SLC24A1: variants seen among roughly 807,000 people sequenced by gnomAD.
The protein encoded by SLC24A1 is solute carrier family 24 member 1.
SLC24A1 carries 52 observed loss-of-function variants against 88.1 expected under a neutral mutation model. That is an observed-to-expected ratio of 0.59 (90% CI 0.47 to 0.74). The LOEUF is 0.74. Ranked by LOEUF, SLC24A1 falls within the 30% of genes least tolerant of loss-of-function variation. SLC24A1 has a pLI of 0.00. For synonymous variants in SLC24A1, 455 were observed against 498.0 expected (o/e 0.91, Z 1.15); for missense variants, 1,173 against 1,363.3 (o/e 0.86, Z 2.20).
In SLC24A1 at chr15:65,624,000, G is replaced by A; in HGVS notation, c.-81G>A. The A allele has an allele frequency of 7.5e-7, 1 of 1,331,612 alleles. No individual in the cohort carries two copies. Among genetic ancestry groups the A allele is most frequent in the Non-Finnish European group, 1.0e-6 (1 of 970,066 alleles). 82.5% of individuals were successfully genotyped at this position (1,331,612 alleles called of 1,614,324 possible). ...TGGGCTTCATGGAGAAATCTTCTCTGATCACCAACCTGAATCCCAGAGTAG... is the reference window on the plus strand; with the variant it reads ...TGGGCTTCATGGAGAAATCTTCTCTAATCACCAACCTGAATCCCAGAGTAG... On this transcript the variant is annotated 5_prime_UTR_variant, in exon 2 of 10. It removes the in-frame stop codon of an upstream open reading frame in the 5' UTR. Coordinates refer to ENST00000261892, the MANE Select transcript of SLC24A1 (RefSeq NM_004727.3).
intron 2 of SLC24A1, among the ~76,000 whole-genome samples, chr15:65,626,240 A>C (rs1219626687): frequency 6.6e-6 from 1 of 152,192 alleles, no homozygotes; most frequent in African/African-American, 2.4e-5. Context: ...AAGCCCAAAG[A>C]AGTTAAACCA....
chr15:65,643,817 C>T (rs1473317944), intron 4 of SLC24A1: 1 of 154,054 alleles, frequency 6.5e-6, no homozygotes, highest in Middle Eastern at 3.4e-3. Context: ...AGGGTGTATC[C>T]GAGAGCTTGT....
chr15:65,654,797 C>A lies in SLC24A1; in HGVS notation c.*718C>A, dbSNP rs12148277. ...CTCGGCACACCACAACCTTCACCTC[C>A]CCGGTTCAAGCAATTCTCCTGCCTC... On this transcript the variant is annotated 3_prime_UTR_variant, in exon 10 of 10. Transcript: ENST00000261892. 0.049 allele frequency: 51,515 copies of A among 1,042,766 alleles called. 1,544 individuals carry two copies. Among genetic ancestry groups the A allele is most frequent in the Non-Finnish European group, 0.057 (44,684 of 779,324 alleles). The allele number at this position is 1,042,766 out of a possible 1,614,324, so 64.6% of individuals were successfully genotyped here. A position where few individuals can be genotyped will look rare whatever the true frequency, so the allele number is the denominator to read the frequency against.
At chr15:65,651,873 T>C in intron 8 of SLC24A1, 114 bp downstream of exon 8, 1 of 705,454 alleles carries the variant, frequency 1.4e-6, no homozygotes, top group East Asian at 2.8e-5. Context: ...TCGTGCAGTT[T>C]CTATGTTGTT....
chr15:65,624,750 G>A lies in SLC24A1; in HGVS notation c.670G>A (p.Asp224Asn), dbSNP rs770646453. ...CCCCAGGACAACAGTGAAAGACAGTGACATTACAGCAACCTATAAAATACT... is the reference window on the plus strand; with the variant it reads ...CCCCAGGACAACAGTGAAAGACAGTAACATTACAGCAACCTATAAAATACT... Reference protein sequence around the residue: ...ITPRTTVKDSDITATYKILET... With the variant: ...ITPRTTVKDSNITATYKILET... The change falls in exon 2 of 10, where the codon GAC (aspartate) becomes AAC (asparagine). Residue 224 changes from aspartate to asparagine, a missense_variant. Coordinates refer to ENST00000261892, the MANE Select transcript of SLC24A1 (RefSeq NM_004727.3). 6.2e-7 allele frequency: 1 copy of A among 1,613,534 alleles called. No homozygotes were observed. Among genetic ancestry groups the A allele is most frequent in the South Asian group, 1.1e-5 (1 of 91,030 alleles).
chr15:65,623,871 A>G (rs2074405965), intron 1 of SLC24A1, 84 bp from the exon 2 acceptor site: 7 of 500,616 alleles, frequency 1.4e-5, no homozygotes, highest in East Asian at 9.3e-5. Context: ...TGGGGCTTCT[A>G]TTATCACTTT....
chr15:65,620,676 A>T (rs887517420), upstream of SLC24A1, among the ~76,000 whole-genome samples: 2 of 152,254 alleles, frequency 1.3e-5, no homozygotes, highest in Non-Finnish European at 2.9e-5. Context: ...GGCAACATTT[A>T]TGAACATATG....
intron 6 of SLC24A1, among the ~76,000 whole-genome samples, chr15:65,649,808 G>T (rs2075434630): frequency 1.3e-5 from 2 of 152,156 alleles, no homozygotes; most frequent in Admixed American, 1.3e-4. Flanking sequence ...ACCACCAAAG[G>T]ATGTCATGCC....
chr15:65,634,405 T>A (rs2074834431), intron 2 of SLC24A1, among the ~76,000 whole-genome samples: 1 of 152,164 alleles, frequency 6.6e-6, no homozygotes, highest in African/African-American at 2.4e-5. Context: ...GCAAGAGGCA[T>A]GAAGACATCC....
chr15:65,649,679 A>G (rs2075429851), intron 6 of SLC24A1, among the ~76,000 whole-genome samples: 1 of 152,214 alleles, frequency 6.6e-6, no homozygotes. Flanking sequence ...TTATTAAACT[A>G]CTTCCCATGG....
intron 2 of SLC24A1, among the ~76,000 whole-genome samples, chr15:65,632,453 T>C (rs2074762855): frequency 6.6e-6 from 1 of 152,058 alleles, no homozygotes; most frequent in South Asian, 2.1e-4. Flanking sequence ...ATAGTGAGTT[T>C]GGGTGCTTAG....
In SLC24A1 at chr15:65,625,043, G is replaced by A. The variant is rs371569261; in HGVS notation, c.963G>A (p.Gly321=). The A allele has an allele frequency of 1.9e-5, 30 of 1,613,702 alleles. No homozygotes were observed. In the African/African-American group the frequency reaches 3.7e-4, roughly 20 times the overall value. ...TGCATACCCCAGCCACCTCTGAGGG[G>A]CAGGTGACAATAAGCACCATGACAG... ...VLLHTPATSE[G]QVTISTMTGS... The change falls in exon 2 of 10, where the codon GGG becomes GGA. Residue 321 remains glycine, a synonymous_variant. Transcript: ENST00000261892.
chr15:65,631,537 C>A (rs539228118), intron 2 of SLC24A1, among the ~76,000 whole-genome samples: 1 of 152,108 alleles, frequency 6.6e-6, no homozygotes, highest in African/African-American at 2.4e-5. Context: ...AGGGAAACCA[C>A]CCCATAGCCA....
At chr15:65,638,420 C>A (rs933903809) in intron 3 of SLC24A1, among the ~76,000 whole-genome samples, 5 of 152,188 alleles carry the variant, frequency 3.3e-5, no homozygotes, top group Non-Finnish European at 7.3e-5. Context: ...TGTTACAGTC[C>A]TCTCTGCCAT....
intron 1 of SLC24A1, among the ~76,000 whole-genome samples, chr15:65,623,748 G>A (rs948119964): frequency 1.3e-5 from 2 of 152,116 alleles, no homozygotes; most frequent in African/African-American, 4.8e-5. Context: ...TGCCTACATA[G>A]TACAGAGGAC....
In SLC24A1 at chr15:65,625,199, A is replaced by G. The variant is rs1460611228; in HGVS notation, c.1119A>G (p.Thr373=). 3 of 1,613,920 alleles carry G rather than the reference A, an allele frequency of 1.9e-6. No individual in the cohort carries two copies. Among genetic ancestry groups the G allele is most frequent in the Non-Finnish European group, 2.5e-6 (3 of 1,179,882 alleles). The change falls in exon 2 of 10, where the codon ACA becomes ACG. Residue 373 remains threonine (T), a synonymous_variant. Transcript: ENST00000261892. ...GGAGGCTGGCAAAGAAACCTTCCAC[A>G]GCACCCAGCACCTCAACAACCCCTA... ...IVWRLAKKPS[T]APSTSTTPTV... is the part of the protein sequence containing the mutation.
chr15:65,648,184 C>T (rs549100138), intron 6 of SLC24A1, among the ~76,000 whole-genome samples: 8 of 152,094 alleles, frequency 5.3e-5, no homozygotes, highest in East Asian at 3.9e-4. Context: ...GGCGTGAACC[C>T]GGGAGGCGGA....
upstream of SLC24A1, chr15:65,619,011 G>A (rs2074236064): frequency 6.6e-6 from 1 of 152,252 alleles, no homozygotes; most frequent in African/African-American, 2.4e-5. Flanking sequence ...TTGGAAAGAT[G>A]TGTCATAGGA....
upstream of SLC24A1, among the ~76,000 whole-genome samples, chr15:65,618,212 T>C (rs970441555): frequency 2.0e-5 from 3 of 152,204 alleles, no homozygotes; most frequent in Non-Finnish European, 4.4e-5. Flanking sequence ...AAATTGTCTC[T>C]ACGTATGTAT....
Sources: allele counts gnomAD v4.1 joint callset (sites outside exome capture counted in the v4.1 genomes callset), GRCh38; gene constraint gnomAD v4.1.1; transcripts MANE v1.5; gene names NCBI Gene and HGNC (gene_info 2026-07-23, HGNC 2026-07-21).